The following MACROD2 variants were observed in gnomAD, a reference collection of about 807,000 sequenced individuals.
MACROD2 encodes mono-ADP ribosylhydrolase 2.
A neutral mutation model predicts 70.4 loss-of-function variants in MACROD2; 36 were observed. The ratio of observed to expected loss-of-function variants is 0.51; its 90% CI spans 0.39 to 0.68. The LOEUF is 0.68. Among genes scored for constraint, MACROD2 ranks in the 30% least tolerant of loss-of-function variants. The pLI, the probability that MACROD2 is intolerant of heterozygous loss-of-function variation, is 0.00. For missense variants in MACROD2, 496 were observed against 538.4 expected (o/e 0.92, Z 0.78); for synonymous variants, 172 against 178.8 (o/e 0.96, Z 0.30).
chr20:15,157,258 G>A (rs1248371986), intron 5 of MACROD2, among the ~76,000 whole-genome samples: 2 of 151,740 alleles, frequency 1.3e-5, no homozygotes, highest in Non-Finnish European at 2.9e-5. Flanking sequence ...CACTCACAAT[G>A]CCTTTTCTCT....
intron 6 of MACROD2, among the ~76,000 whole-genome samples, chr20:15,387,856 C>G (rs2045739994): frequency 6.6e-6 from 1 of 151,866 alleles, no homozygotes; most frequent in South Asian, 2.1e-4. Context: ...GATCCTCTAG[C>G]CTCAGCATCC....
intron 5 of MACROD2, among the ~76,000 whole-genome samples, chr20:14,986,567 G>C (rs17269861): frequency 0.011 from 1,748 of 152,198 alleles, 17 homozygotes; most frequent in South Asian, 0.021. Flanking sequence ...TAAATAAGCA[G>C]ATCTGTTCCA....
At chr20:14,451,324 C>T (rs1010140203) in intron 3 of MACROD2, among the ~76,000 whole-genome samples, 4 of 152,066 alleles carry the variant, frequency 2.6e-5, no homozygotes, top group Non-Finnish European at 4.4e-5. Context: ...TGGCACATGC[C>T]TGTAATCCCA....
intron 5 of MACROD2, among the ~76,000 whole-genome samples, chr20:14,869,425 C>T (rs976678671): frequency 3.7e-4 from 57 of 152,074 alleles, no homozygotes; most frequent in African/African-American, 1.3e-3. Flanking sequence ...CCGTCATTAG[C>T]TTTCAGAGAC....
chr20:15,058,477 A>G (rs1601011026), intron 5 of MACROD2, among the ~76,000 whole-genome samples: 2 of 152,206 alleles, frequency 1.3e-5, no homozygotes, highest in East Asian at 3.8e-4. Flanking sequence ...ATCCCAAATA[A>G]TGTATGGAAT....
At chr20:14,522,736 C>T (rs1476685176) in intron 4 of MACROD2, among the ~76,000 whole-genome samples, 1 of 152,180 alleles carries the variant, frequency 6.6e-6, no homozygotes. Context: ...AGGAGATCTT[C>T]TGGTCCATTC....
chr20:15,310,968 G>A (rs2146146769), intron 6 of MACROD2, among the ~76,000 whole-genome samples: 1 of 152,186 alleles, frequency 6.6e-6, no homozygotes, highest in Admixed American at 6.5e-5. Context: ...GGTCGGCATT[G>A]TTTCACTTTC....
chr20:14,166,195 G>A (rs1474950474), intron 3 of MACROD2, among the ~76,000 whole-genome samples: 3 of 152,110 alleles, frequency 2.0e-5, no homozygotes, highest in South Asian at 4.1e-4. Flanking sequence ...TTTTGTGATG[G>A]TCATAGGCTT....
intron 2 of MACROD2, among the ~76,000 whole-genome samples, chr20:14,072,247 G>GGT (rs371542599): frequency 2.3e-4 from 35 of 151,506 alleles, no homozygotes; most frequent in South Asian, 1.0e-3. Flanking sequence ...GCTTTTTCTT[G>GGT]GTGTGTGTGT....
At chr20:15,085,418 T>G (rs538726689) in intron 5 of MACROD2, among the ~76,000 whole-genome samples, 1 of 152,122 alleles carries the variant, frequency 6.6e-6, no homozygotes, top group Admixed American at 6.6e-5. Context: ...AATTAAAAAC[T>G]TTTGTGCTTC....
At chr20:15,038,386 G>T (rs1486095784) in intron 5 of MACROD2, among the ~76,000 whole-genome samples, 2 of 152,098 alleles carry the variant, frequency 1.3e-5, no homozygotes, top group South Asian at 2.1e-4. Context: ...TGTAAATGAC[G>T]TTTTATTTAC....
intron 8 of MACROD2, among the ~76,000 whole-genome samples, chr20:15,830,653 A>C (rs1161073057): frequency 1.3e-5 from 2 of 152,238 alleles, no homozygotes; most frequent in Non-Finnish European, 2.9e-5. Flanking sequence ...CTTGTAGAAT[A>C]AAAGAAATCA....
At chr20:14,117,057 C>G (rs1477403099) in intron 3 of MACROD2, among the ~76,000 whole-genome samples, 1 of 75,738 alleles carries the variant, frequency 1.3e-5, no homozygotes, top group Admixed American at 1.6e-4. Flanking sequence ...CAGAACAAGA[C>G]TCCATCTCAA....
At chr20:15,174,465 T>C (rs1011104906) in intron 5 of MACROD2, among the ~76,000 whole-genome samples, 5 of 152,184 alleles carry the variant, frequency 3.3e-5, no homozygotes, top group South Asian at 4.1e-4. Context: ...AATAAACATA[T>C]GTGTGCATGT....
In MACROD2 at chr20:13,995,850, G is replaced by GGGGGGGGGGGT; in HGVS notation, c.46+41_46+42insGGGGGGGGGGT. 26 of 505,038 alleles carry GGGGGGGGGGGT rather than the reference G, an allele frequency of 5.1e-5. No homozygotes were observed. Among genetic ancestry groups the GGGGGGGGGGGT allele is most frequent in the Non-Finnish European group, 8.6e-5 (23 of 266,272 alleles). 31.3% of individuals were successfully genotyped at this position (505,038 alleles called of 1,614,324 possible). ...AGTCCTGGGGGTGCGGGCGGTGGGG[G>GGGGGGGGGGGT]TTAGGGTGGGGGCGGGGGTCAGGCT... On this transcript the variant is annotated intron_variant, in intron 1 of 17. Coordinates refer to ENST00000684519, the MANE Select transcript of MACROD2 (RefSeq NM_001351661.2). The surrounding 1 kb of genome is among the most constrained non-coding windows in gnomAD (Gnocchi z 4.3).
At chr20:15,361,663 T>C (rs572926826) in intron 6 of MACROD2, among the ~76,000 whole-genome samples, 1 of 152,230 alleles carries the variant, frequency 6.6e-6, no homozygotes, top group East Asian at 1.9e-4. Flanking sequence ...GATATCCTTA[T>C]TATGTCGATT....
At chr20:14,828,040 G>A (rs921192659) in intron 5 of MACROD2, among the ~76,000 whole-genome samples, 3 of 151,740 alleles carry the variant, frequency 2.0e-5, no homozygotes, top group East Asian at 1.9e-4. Context: ...GGTAAAGTTC[G>A]GGAAGGCATA....
chr20:16,045,730 G>A (rs1318261383), intron 17 of MACROD2, among the ~76,000 whole-genome samples: 1 of 152,064 alleles, frequency 6.6e-6, no homozygotes, highest in African/African-American at 2.4e-5. Flanking sequence ...TTGCTTTAAA[G>A]TTGAACTATA....
chr20:15,806,359 A>G (rs2063769245), intron 8 of MACROD2, among the ~76,000 whole-genome samples: 1 of 152,202 alleles, frequency 6.6e-6, no homozygotes, highest in African/African-American at 2.4e-5. Context: ...CAGACAGTGG[A>G]AGTGAACTTA....
Sources: allele counts gnomAD v4.1 joint callset (sites outside exome capture counted in the v4.1 genomes callset), GRCh38; gene constraint gnomAD v4.1.1; non-coding constraint Gnocchi (gnomAD v3.1); transcripts MANE v1.5; gene names NCBI Gene and HGNC (gene_info 2026-07-23, HGNC 2026-07-21).